The following CUL4B variants were observed in gnomAD, a reference collection of about 807,000 sequenced individuals.
CUL4B encodes the protein cullin-4B.
In CUL4B, 1 loss-of-function variant was observed where a neutral mutation model predicts 69.2. The observed-to-expected ratio is 0.01, with a 90% CI of 0.01 to 0.07. The LOEUF is 0.07. Among genes scored for constraint, CUL4B ranks in the 10% least tolerant of loss-of-function variants. The pLI is 1.00. For missense variants in CUL4B, 328 were observed against 638.8 expected (o/e 0.51, Z 5.24); for synonymous variants, 237 against 223.2 (o/e 1.06, Z -0.55).
chrX:120,569,962 A>G (rs1163102302), downstream of CUL4B, among the ~76,000 whole-genome samples: 1 of 111,927 alleles, frequency 8.9e-6, no homozygotes, highest in Non-Finnish European at 1.9e-5. Context: ...CACATTCAGG[A>G]CATTGCAAGG....
chrX:120,561,030 G>C (rs1925268183), upstream of CUL4B: 14 of 966,165 alleles, frequency 1.4e-5, no homozygotes, highest in South Asian at 3.6e-4. Context: ...TTGGGGGAAA[G>C]GGGGAGGGGG....
At chrX:120,558,395 T>G (rs1463183324) in intron 1 of CUL4B, among the ~76,000 whole-genome samples, 3 of 112,007 alleles carry the variant, frequency 2.7e-5, no homozygotes, top group African/African-American at 9.7e-5. Flanking sequence ...TAACCTGAGA[T>G]TTAAAGTACT....
chrX:120,559,776 C>T, intron 1 of CUL4B: 1 of 1,069,162 alleles, frequency 9.4e-7, no homozygotes, highest in Non-Finnish European at 1.2e-6. Flanking sequence ...ACAAATTTCT[C>T]ACCTGCAAAA....
chrX:120,543,886 G>A (rs918465024), intron 7 of CUL4B, 77 bp from the exon 8 acceptor site: 1 of 764,354 alleles, frequency 1.3e-6, no homozygotes, highest in Middle Eastern at 3.9e-4. Flanking sequence ...AAAGATCCTG[G>A]AAGTGGCCCT....
At chrX:120,538,269 A>C in intron 13 of CUL4B, 60 bp from the exon 14 acceptor site, 1 of 767,114 alleles carries the variant, frequency 1.3e-6, no homozygotes, top group Non-Finnish European at 2.0e-6. Flanking sequence ...AAGAGGTTTA[A>C]AAGTGGGAAA....
intron 2 of CUL4B, among the ~76,000 whole-genome samples, chrX:120,572,839 T>C (rs1247130937): frequency 8.9e-6 from 1 of 111,814 alleles, no homozygotes; most frequent in African/African-American, 3.3e-5. Context: ...TCACACGTTA[T>C]TGTTGTTGCT....
chrX:120,543,242 A>G (rs1406148736), intron 8 of CUL4B, among the ~76,000 whole-genome samples: 2 of 111,768 alleles, frequency 1.8e-5, no homozygotes, highest in African/African-American at 6.5e-5. Flanking sequence ...AAAAATTTTA[A>G]AAAAACACTG....
At chrX:120,538,909 G>C in intron 12 of CUL4B, 139 bp from the exon 13 acceptor site, 1 of 455,152 alleles carries the variant, frequency 2.2e-6, no homozygotes, top group South Asian at 3.6e-5. Flanking sequence ...TTAAATGCAA[G>C]AAACAGTAGA....
intron 14 of CUL4B, among the ~76,000 whole-genome samples, chrX:120,537,268 G>C (rs1368027204): frequency 8.9e-6 from 1 of 112,041 alleles, no homozygotes; most frequent in Non-Finnish European, 1.9e-5. Context: ...CCTCATTACA[G>C]GCGTTATCAA....
chrX:120,535,700 GTC>G, intron 16 of CUL4B, 128 bp downstream of exon 16: 68 of 343,813 alleles, frequency 2.0e-4, no homozygotes, highest in Non-Finnish European at 2.6e-4. Context: ...GTGAGACTCT[GTC>G]TCAAAAAAAA....
At position 120,536,809 on chromosome X, in the gene CUL4B, C is replaced by T. The variant is rs2147326431; in HGVS notation, c.2046+118G>A. The T allele has an allele frequency of 7.6e-6, 4 of 525,684 alleles. No individual in the cohort carries two copies. The South Asian group carries it at 1.0e-4, about 14-fold the overall frequency. 43.3% of individuals were successfully genotyped at this position (525,684 alleles called of 1,213,427 possible). The stretch of plus-strand genomic sequence containing the variant: ...CCCAAGAGTTCAAGACCAGCCTGAG[C>T]AATACAGCGAGACCCTGGGTCTCTA... On this transcript the variant is annotated intron_variant, in intron 15 of 19. Coordinates refer to ENST00000371322, the MANE Select transcript of CUL4B (RefSeq NM_001079872.2).
chrX:120,539,367 A>G lies in CUL4B; in HGVS notation c.1642T>C (p.Tyr548His). 1.7e-6 allele frequency: 2 copies of G among 1,162,819 alleles called. No individual in the cohort carries two copies. Among genetic ancestry groups the G allele is most frequent in the Non-Finnish European group, 2.3e-6 (2 of 853,708 alleles). ...CCTGCACGAAGTTTTGAATCTACATACTTAGCTAAAATGGGGGAAAAGTTT... is the reference window on the plus strand; with the variant it reads ...CCTGCACGAAGTTTTGAATCTACATGCTTAGCTAAAATGGGGGAAAAGTTT... ...PNKPAELIAK[Y>H]VDSKLRAGNK... The change falls in exon 12 of 20, where the codon TAT (tyrosine) becomes CAT (histidine). Residue 548 changes from tyrosine (Y) to histidine (H), a missense_variant. By Grantham distance (83) the Tyr-to-His change is moderately conservative. This residue lies in a region of CUL4B where 98 missense variants were observed against 296.8 expected (regional missense o/e 0.33). Coordinates refer to ENST00000371322, the MANE Select transcript of CUL4B (RefSeq NM_001079872.2).
At chrX:120,574,778 A>G (rs1925821257) in intron 1 of CUL4B, 1 of 507,880 alleles carries the variant, frequency 2.0e-6, no homozygotes, top group Non-Finnish European at 3.5e-6. Flanking sequence ...TGGTCTGCTA[A>G]TCACATCCTT....
downstream of CUL4B, among the ~76,000 whole-genome samples, chrX:120,566,525 G>A (rs1418530338): frequency 9.5e-6 from 1 of 105,178 alleles, no homozygotes; most frequent in Non-Finnish European, 1.9e-5. Flanking sequence ...AGCCTCCCAA[G>A]TAGCTGGGAT....
chrX:120,555,995 G>C (rs1269416090), intron 2 of CUL4B, among the ~76,000 whole-genome samples: 1 of 102,176 alleles, frequency 9.8e-6, no homozygotes, highest in Non-Finnish European at 2.0e-5. Flanking sequence ...ACGTACCCCA[G>C]AAAGGGTTTC....
At chrX:120,571,188 T>C (rs771076668) in exon 3 of CUL4B, 6 of 111,658 alleles carry the variant, frequency 5.4e-5, no homozygotes, top group Admixed American at 2.9e-4. Context: ...GATTCCTGGA[T>C]GTTTATTTAA....
chrX:120,559,511 A>T (rs1925162066), intron 1 of CUL4B, among the ~76,000 whole-genome samples: 1 of 112,495 alleles, frequency 8.9e-6, no homozygotes, highest in African/African-American at 3.2e-5. Context: ...GTGTATACAC[A>T]ATGTTTTTCA....
chrX:120,528,248 A>T (rs139622722), intron 19 of CUL4B, among the ~76,000 whole-genome samples: 1,224 of 109,485 alleles, frequency 0.011, 19 homozygotes, highest in African/African-American at 0.039. Context: ...CTGTACTAAA[A>T]ATACAAGAAT....
At chrX:120,529,746 CAAATACCATGGTATTTCAAT>C (rs1197436340) in intron 19 of CUL4B, among the ~76,000 whole-genome samples, 2 of 111,096 alleles carry the variant, frequency 1.8e-5, no homozygotes, top group Non-Finnish European at 3.8e-5. Context: ...CTAAATCTGT[CAAATACCATGGTATTTCAAT>C]AAATACCATG....
Sources: gnomAD v4.1 joint callset for allele counts (sites outside exome capture counted in the v4.1 genomes callset) on GRCh38, gnomAD v4.1.1 for gene constraint, gnomAD v4.1.1 regional missense constraint, MANE v1.5 for transcripts, NCBI Gene and HGNC (gene_info 2026-07-23, HGNC 2026-07-21) for gene names.